Variants in UTRN observed in about 807,000 individuals in gnomAD.
UTRN encodes the protein utrophin.
UTRN carries 283 observed loss-of-function variants against 463.9 expected under a neutral mutation model. The observed-to-expected ratio is 0.61, with a 90% CI of 0.55 to 0.67. UTRN has a LOEUF of 0.67. Ranked by LOEUF, UTRN falls within the 30% of genes least tolerant of loss-of-function variation. UTRN has a pLI of 0.00. For synonymous variants in UTRN, 1,442 were observed against 1,431.5 expected (o/e 1.01, Z -0.17); for missense variants, 3,922 against 4,084.3 (o/e 0.96, Z 1.08).
At chr6:144,460,966 A>T (rs117631232) in intron 21 of UTRN, among the ~76,000 whole-genome samples, 2 of 152,228 alleles carry the variant, frequency 1.3e-5, no homozygotes, top group Non-Finnish European at 2.9e-5. Flanking sequence ...AAGAAAAATT[A>T]TAGTGGGTTA....
At chr6:144,733,964 A>G (rs1479449165) in intron 54 of UTRN, among the ~76,000 whole-genome samples, 6 of 152,238 alleles carry the variant, frequency 3.9e-5, no homozygotes, top group Non-Finnish European at 5.9e-5. Context: ...GCCTGTATAT[A>G]TCAGGTACTC....
At chr6:144,415,001 A>G (rs889435591) in intron 3 of UTRN, among the ~76,000 whole-genome samples, 1 of 152,224 alleles carries the variant, frequency 6.6e-6, no homozygotes, top group East Asian at 1.9e-4. Flanking sequence ...GGCATGAGCC[A>G]CTGTATCCAG....
Position 144,748,362 on chromosome 6 carries a change from G to A in UTRN, c.8056G>A (p.Val2686Met). The A allele has an allele frequency of 1.9e-6, 3 of 1,613,866 alleles. No homozygotes were observed. Among genetic ancestry groups the A allele is most frequent in the Non-Finnish European group, 2.5e-6 (3 of 1,179,930 alleles). Residue 2686 changes from valine (V) to methionine (M), a missense_variant, in exon 55 of 75, where the codon GTG becomes ATG. Around this residue, in one of 3 missense-constraint regions of UTRN, gnomAD observed 1,309 missense variants for 1,452.6 expected, o/e 0.90. Transcript: ENST00000367545. The stretch of plus-strand genomic sequence containing the variant: ...TGTAACTAGCAATTGGCAAAAGCAA[G>A]TGGACAAGGCATTGGAGAAACTCAG... ...NAVTSNWQKQ[V>M]DKALEKLRDL...
Position 144,557,323 on chromosome 6 carries a change from G to T in UTRN, c.7289+12G>T, listed in dbSNP as rs760701688. 1.8e-5 allele frequency: 29 copies of T among 1,605,002 alleles called. No homozygotes were observed. The highest frequency in any genetic ancestry group is 2.5e-5 in the Non-Finnish European group (29 of 1,175,064). On this transcript the variant is annotated intron_variant, in intron 50 of 74. Coordinates refer to ENST00000367545, the MANE Select transcript of UTRN (RefSeq NM_007124.3). ...AATCTCAAACAAAGGTAAGTCTAAG[G>T]CCCTGGCAGGTAAATGTATATTGTC...
At chr6:144,343,788 A>T (rs1391988948) in intron 2 of UTRN, among the ~76,000 whole-genome samples, 1 of 152,178 alleles carries the variant, frequency 6.6e-6, no homozygotes, top group Non-Finnish European at 1.5e-5. Flanking sequence ...TTAATATGTA[A>T]CGAAACTCCT....
At chr6:144,446,431 A>G (rs2114916317) in intron 14 of UTRN, among the ~76,000 whole-genome samples, 1 of 152,366 alleles carries the variant, frequency 6.6e-6, no homozygotes, top group Non-Finnish European at 1.5e-5. Flanking sequence ...ATTGCTGAGA[A>G]AGAATTGATT....
intron 14 of UTRN, among the ~76,000 whole-genome samples, chr6:144,445,754 C>T (rs923596689): frequency 5.3e-5 from 8 of 152,018 alleles, no homozygotes; most frequent in Non-Finnish European, 1.2e-4. Context: ...TCAATAATGA[C>T]AGTAGAAAGG....
chr6:144,329,777 G>T (rs1776213153), intron 2 of UTRN, among the ~76,000 whole-genome samples: 1 of 152,172 alleles, frequency 6.6e-6, no homozygotes. Context: ...AAAGATGATG[G>T]CTTAAAATGA....
At chr6:144,462,988 A>T in intron 23 of UTRN, 122 bp downstream of exon 23, 1 of 874,074 alleles carries the variant, frequency 1.1e-6, no homozygotes, top group Non-Finnish European at 1.7e-6. Flanking sequence ...TTTATTATGT[A>T]TTTAAGTTGG....
intron 53 of UTRN, among the ~76,000 whole-genome samples, chr6:144,715,944 A>AT (rs1786394667): frequency 1.3e-5 from 2 of 152,132 alleles, no homozygotes; most frequent in Non-Finnish European, 2.9e-5. Flanking sequence ...TTTTGAAAAT[A>AT]TTCCTACTTT....
intron 50 of UTRN, among the ~76,000 whole-genome samples, chr6:144,575,261 A>T (rs1217000078): frequency 2.0e-5 from 3 of 152,026 alleles, no homozygotes; most frequent in Admixed American, 2.0e-4. Flanking sequence ...ATTATAAAAT[A>T]AAAAAAATGC....
intron 69 of UTRN, among the ~76,000 whole-genome samples, chr6:144,835,376 C>T (rs1184416484): frequency 6.6e-6 from 1 of 151,416 alleles, no homozygotes; most frequent in Non-Finnish European, 1.5e-5. Flanking sequence ...TTCAAAGTTA[C>T]TTTCAACGAA....
intron 2 of UTRN, among the ~76,000 whole-genome samples, chr6:144,295,719 C>T (rs1373652163): frequency 6.6e-6 from 1 of 152,216 alleles, no homozygotes; most frequent in Non-Finnish European, 1.5e-5. Context: ...ACTGCTGCTG[C>T]TGATGATGAC....
intron 41 of UTRN, among the ~76,000 whole-genome samples, chr6:144,529,924 G>A (rs917793443): frequency 6.6e-6 from 1 of 152,042 alleles, no homozygotes; most frequent in African/African-American, 2.4e-5. Flanking sequence ...TCCTTTTTAT[G>A]CTTATTTCAT....
chr6:144,585,417 G>A (rs1263749326), intron 51 of UTRN, among the ~76,000 whole-genome samples: 1 of 152,056 alleles, frequency 6.6e-6, no homozygotes, highest in Non-Finnish European at 1.5e-5. Flanking sequence ...CATTGCAGCA[G>A]GTGTCAGTAT....
chr6:144,423,623 C>G lies in UTRN; in HGVS notation c.309C>G (p.Asn103Lys). 2 of 1,614,162 alleles carry G rather than the reference C, an allele frequency of 1.2e-6. No individual in the cohort carries two copies. The highest frequency in any genetic ancestry group is 1.7e-6 in the Non-Finnish European group (2 of 1,179,990). ...VNRVLQVLHQ[N>K]NVELVNIGGT... ...GAGTGCTGCAGGTTTTACATCAGAA[C>G]AATGTAAGTGTGTAATGTGAGTTCT... Residue 103 changes from asparagine (N) to lysine (K), a missense_variant, in exon 5 of 75, where the codon AAC (asparagine) becomes AAG (lysine). Around this residue, in one of 3 missense-constraint regions of UTRN, gnomAD observed 264 missense variants for 327.9 expected, o/e 0.81. Transcript: ENST00000367545.
chr6:144,446,243 G>C (rs1006895743), intron 14 of UTRN, among the ~76,000 whole-genome samples: 1 of 152,088 alleles, frequency 6.6e-6, no homozygotes, highest in African/African-American at 2.4e-5. Flanking sequence ...GTTCTATAAT[G>C]ATCTGACATT....
At chr6:144,817,890 T>C (rs1176296296) in intron 65 of UTRN, among the ~76,000 whole-genome samples, 3 of 152,192 alleles carry the variant, frequency 2.0e-5, no homozygotes, top group African/African-American at 7.2e-5. Context: ...CATGTAAATA[T>C]GAGTATTATT....
chr6:144,795,843 G>C (rs1351515860), intron 63 of UTRN, among the ~76,000 whole-genome samples: 1 of 151,362 alleles, frequency 6.6e-6, no homozygotes, highest in Non-Finnish European at 1.5e-5. Context: ...CTGATGATAG[G>C]TGTTTTTTGT....
Sources: gnomAD v4.1 joint callset for allele counts (sites outside exome capture counted in the v4.1 genomes callset) on GRCh38, gnomAD v4.1.1 for gene constraint, gnomAD v4.1.1 regional missense constraint, MANE v1.5 for transcripts, NCBI Gene and HGNC (gene_info 2026-07-23, HGNC 2026-07-21) for gene names.